Variants in PHF24 observed in about 807,000 individuals in gnomAD.
PHF24 encodes Galpha inhibitory interacting protein.
In PHF24, 25 loss-of-function variants were observed where a neutral mutation model predicts 42.6. The observed-to-expected ratio is 0.59, with a 90% confidence interval of 0.43 to 0.82. The LOEUF (loss-of-function observed/expected upper bound fraction) is 0.82, where lower values mean the gene tolerates loss of function less well. Among genes scored for constraint, PHF24 ranks in the 40% least tolerant of loss-of-function variants. The pLI, the probability that PHF24 is intolerant of heterozygous loss-of-function variation, is 0.00. For synonymous variants in PHF24, 185 were observed against 204.8 expected (o/e 0.90, Z 0.83); for missense variants, 470 against 538.1 (o/e 0.87, Z 1.25).
chr9:34,934,419 G>A, the PHF24 span, among the ~76,000 whole-genome samples: 1 of 152,158 alleles, frequency 6.6e-6, no homozygotes, highest in African/African-American at 2.4e-5. Context: ...CATTTTGGGA[G>A]TTTAATCACC....
the PHF24 span, among the ~76,000 whole-genome samples, chr9:34,698,425 A>C: frequency 2.2e-5 from 2 of 92,324 alleles, no homozygotes; most frequent in African/African-American, 5.6e-5. Flanking sequence ...ACTACTGCAA[A>C]ATGTACTGCA....
the PHF24 span, among the ~76,000 whole-genome samples, chr9:34,923,641 C>T: frequency 1.3e-5 from 2 of 152,024 alleles, no homozygotes; most frequent in Non-Finnish European, 2.9e-5. Flanking sequence ...CTGTAATGAT[C>T]CTCAGAATTT....
chr9:34,672,986 A>C, the PHF24 span, among the ~76,000 whole-genome samples: 3 of 152,058 alleles, frequency 2.0e-5, no homozygotes, highest in East Asian at 1.9e-4. Flanking sequence ...CCAGGGATTA[A>C]ATTTCAGCAT....
chr9:34,684,985 T>C, the PHF24 span, among the ~76,000 whole-genome samples: 1 of 152,040 alleles, frequency 6.6e-6, no homozygotes, highest in Non-Finnish European at 1.5e-5. Flanking sequence ...AGAGGTTCTG[T>C]CCTTGCTGTT....
At chr9:34,766,709 C>G in the PHF24 span, among the ~76,000 whole-genome samples, 1 of 152,240 alleles carries the variant, frequency 6.6e-6, no homozygotes, top group South Asian at 2.1e-4. Flanking sequence ...TCGTCAAAGT[C>G]ATTCTCCGTC....
chr9:34,757,269 T>G, the PHF24 span, among the ~76,000 whole-genome samples: 4 of 9,992 alleles, frequency 4.0e-4, no homozygotes, highest in Non-Finnish European at 1.7e-3. Flanking sequence ...TATTTCTAGT[T>G]TTTTTTTTTT....
chr9:34,821,920 AT>A, the PHF24 span, among the ~76,000 whole-genome samples: 1 of 152,202 alleles, frequency 6.6e-6, no homozygotes, highest in South Asian at 2.1e-4. Flanking sequence ...ATAAACCCAT[AT>A]TAATATATAC....
At chr9:34,760,678 C>T in the PHF24 span, among the ~76,000 whole-genome samples, 1 of 152,224 alleles carries the variant, frequency 6.6e-6, no homozygotes, top group Non-Finnish European at 1.5e-5. Flanking sequence ...TACTCCTAGT[C>T]CTGCGACGTC....
At chr9:34,966,114 C>A (rs547361646) in intron 1 of PHF24, among the ~76,000 whole-genome samples, 1 of 151,978 alleles carries the variant, frequency 6.6e-6, no homozygotes, top group Non-Finnish European at 1.5e-5. Flanking sequence ...GTCACACACA[C>A]AAAAAAAGCA....
At chr9:34,888,582 A>C in the PHF24 span, among the ~76,000 whole-genome samples, 2 of 152,232 alleles carry the variant, frequency 1.3e-5, no homozygotes, top group South Asian at 2.1e-4. Flanking sequence ...GAGAAAAGAC[A>C]GGGAGATTCT....
At chr9:34,827,816 T>G in the PHF24 span, among the ~76,000 whole-genome samples, 1 of 152,128 alleles carries the variant, frequency 6.6e-6, no homozygotes, top group Non-Finnish European at 1.5e-5. Flanking sequence ...CCCACCCATA[T>G]AACCTCCTTG....
chr9:34,977,417 T>G, intron 6 of PHF24, 129 bp from the exon 7 acceptor site: 1 of 1,217,896 alleles, frequency 8.2e-7, no homozygotes. Context: ...GCCTCTGCCT[T>G]CAACTCGGTG....
the PHF24 span, among the ~76,000 whole-genome samples, chr9:34,802,420 A>T: frequency 6.6e-6 from 1 of 152,080 alleles, no homozygotes; most frequent in Non-Finnish European, 1.5e-5. Context: ...CCGTCATAGA[A>T]TCTTTATTGT....
the PHF24 span, among the ~76,000 whole-genome samples, chr9:34,678,481 C>A: frequency 6.6e-6 from 1 of 151,582 alleles, no homozygotes; most frequent in Non-Finnish European, 1.5e-5. Context: ...ATTACAGGCG[C>A]CTGCCACCAC....
At chr9:34,672,403 T>G in the PHF24 span, among the ~76,000 whole-genome samples, 2 of 152,354 alleles carry the variant, frequency 1.3e-5, no homozygotes, top group African/African-American at 2.4e-5. Flanking sequence ...GTGGCCATAT[T>G]TCTTGCTACT....
chr9:34,881,484 AG>A, the PHF24 span, among the ~76,000 whole-genome samples: 1 of 152,324 alleles, frequency 6.6e-6, no homozygotes, highest in Admixed American at 6.5e-5. Flanking sequence ...AAAGAAGAAA[AG>A]AGAGAAGAAT....
At chr9:34,953,982 G>A (rs1186474534), upstream of PHF24, among the ~76,000 whole-genome samples, 1 of 152,028 alleles carries the variant, frequency 6.6e-6, no homozygotes, top group Non-Finnish European at 1.5e-5. The surrounding 1 kb of genome is among the most constrained non-coding windows in gnomAD (Gnocchi z 4.1). Flanking sequence ...TTGGTTGTAA[G>A]CAATGGAAAC....
the PHF24 span, among the ~76,000 whole-genome samples, chr9:34,714,372 G>A: frequency 6.6e-6 from 1 of 152,208 alleles, no homozygotes; most frequent in African/African-American, 2.4e-5. Flanking sequence ...GGAATTCTCA[G>A]ACAGATAGAA....
At chr9:34,911,787 C>A in the PHF24 span, among the ~76,000 whole-genome samples, 3 of 151,724 alleles carry the variant, frequency 2.0e-5, no homozygotes, top group Non-Finnish European at 2.9e-5. Context: ...AACAAAAATT[C>A]TGGAAAAATA....
Sources: gnomAD v4.1 joint callset for allele counts (sites outside exome capture counted in the v4.1 genomes callset) on GRCh38, gnomAD v4.1.1 for gene constraint, Gnocchi (gnomAD v3.1) non-coding constraint, MANE v1.5 for transcripts, NCBI Gene and HGNC (gene_info 2026-07-23, HGNC 2026-07-21) for gene names.